The following RAI1 variants were observed in gnomAD, a reference collection of about 807,000 sequenced individuals.
RAI1 encodes the protein retinoic acid-induced protein 1.
A neutral mutation model predicts 123.8 loss-of-function variants in RAI1; 9 were observed. That is an observed-to-expected ratio of 0.07 (90% CI 0.04 to 0.13). The LOEUF is 0.13. Ranked by LOEUF, RAI1 falls within the 10% of genes least tolerant of loss-of-function variation. The probability of loss-of-function intolerance (pLI) is 1.00; values close to 1 mark genes in which losing one functional copy is unlikely to be tolerated. For missense variants in RAI1, 2,256 were observed against 2,545.8 expected, an observed-to-expected ratio of 0.89 and a Z score of 2.45; for synonymous variants, 1,231 against 1,127.3, an observed-to-expected ratio of 1.09 and a Z score of -1.84.
At chr17:17,770,639 G>A (rs1309787817) in intron 2 of RAI1, among the ~76,000 whole-genome samples, 1 of 151,986 alleles carries the variant, frequency 6.6e-6, no homozygotes, top group African/African-American at 2.4e-5. Flanking sequence ...GGGGGTGGGT[G>A]GGGGTGGGTA....
At chr17:17,763,481 G>T (rs1198057381) in intron 2 of RAI1, among the ~76,000 whole-genome samples, 3 of 152,202 alleles carry the variant, frequency 2.0e-5, no homozygotes, top group Non-Finnish European at 4.4e-5. Context: ...GAGCTGTGCT[G>T]GGGCAGAGGG....
At chr17:17,739,724 C>T (rs1158604382) in intron 2 of RAI1, among the ~76,000 whole-genome samples, 1 of 152,212 alleles carries the variant, frequency 6.6e-6, no homozygotes, top group Non-Finnish European at 1.5e-5. Context: ...GGTCTTATGC[C>T]ACCACTCCAC....
At position 17,810,950 on chromosome 17, in the gene RAI1, G is replaced by T; in HGVS notation, c.*969G>T. ...TAGAATGTATATATGTTGGGAACAT[G>T]CTCGCTTCTCCCGTGTGTCGCCGCC... On this transcript the variant is annotated 3_prime_UTR_variant, in exon 6 of 6. Coordinates refer to ENST00000353383, the MANE Select transcript of RAI1 (RefSeq NM_030665.4). The surrounding 1 kb of genome is among the most constrained non-coding windows in gnomAD (Gnocchi z 4.6). The T allele has an allele frequency of 3.0e-6, 1 of 329,570 alleles. No individual in the cohort carries two copies. Among genetic ancestry groups the T allele is most frequent in the South Asian group, 2.1e-5 (1 of 47,674 alleles). 20.4% of individuals were successfully genotyped at this position (329,570 alleles called of 1,614,324 possible).
chr17:17,796,148 G>C lies in RAI1; in HGVS notation c.3200G>C (p.Arg1067Pro). 1 of 1,567,616 alleles carries C rather than the reference G, an allele frequency of 6.4e-7. No individual in the cohort carries two copies. The highest frequency in any genetic ancestry group is 8.7e-7 in the Non-Finnish European group (1 of 1,154,956). ...TRSLTALSEP[R>P]TPGPPGLTTT... is the part of the protein sequence containing the mutation. ...TCTCTCACGGCCCTGAGTGAGCCCCGCACGCCCGGACCCCCAGGCCTGACC... is the reference window on the plus strand; with the variant it reads ...TCTCTCACGGCCCTGAGTGAGCCCCCCACGCCCGGACCCCCAGGCCTGACC... Residue 1067 changes from arginine to proline, a missense_variant, in exon 3 of 6, where the codon CGC becomes CCC. Physicochemically the swap from Arg to Pro is moderately radical, Grantham distance 103 (BLOSUM62 -2). Transcript: ENST00000353383. The surrounding 1 kb of genome is among the most constrained non-coding windows in gnomAD (Gnocchi z 5.8).
intron 2 of RAI1, among the ~76,000 whole-genome samples, chr17:17,755,266 A>G (rs576425671): frequency 2.6e-5 from 4 of 152,336 alleles, no homozygotes; most frequent in Admixed American, 6.5e-5. Context: ...ATACAGCTCT[A>G]TGGAATGCTG....
chr17:17,732,366 C>A (rs1488405945), intron 2 of RAI1, among the ~76,000 whole-genome samples: 3 of 152,152 alleles, frequency 2.0e-5, no homozygotes, highest in African/African-American at 7.2e-5. Flanking sequence ...AGGGAAGACC[C>A]CTCAGGACAT....
At chr17:17,706,606 GAAAGTT>G (rs1567836329) in intron 1 of RAI1, among the ~76,000 whole-genome samples, 1 of 152,206 alleles carries the variant, frequency 6.6e-6, no homozygotes, top group Non-Finnish European at 1.5e-5. Context: ...CAGTGACGGG[GAAAGTT>G]TGAGGGATCA....
At chr17:17,761,707 CATT>C (rs1190492241) in intron 2 of RAI1, among the ~76,000 whole-genome samples, 5 of 152,146 alleles carry the variant, frequency 3.3e-5, no homozygotes, top group Non-Finnish European at 5.9e-5. Flanking sequence ...CCTTGTAAGT[CATT>C]GTTGCTGGGC....
chr17:17,778,317 C>G (rs1411847662), intron 2 of RAI1: 1 of 218,472 alleles, frequency 4.6e-6, no homozygotes, highest in Non-Finnish European at 9.3e-6. Flanking sequence ...ATAGAAAGTA[C>G]AAGACTTGGA....
chr17:17,783,182 AGCGACCGGGGACCGG>A (rs1291100865), intron 2 of RAI1, among the ~76,000 whole-genome samples: 5 of 152,044 alleles, frequency 3.3e-5, no homozygotes, highest in Non-Finnish European at 5.9e-5. Context: ...TGGCGCCTGC[AGCGACCGGGGACCGG>A]GGGACCGGGG....
chr17:17,688,163 G>C (rs1914704884), intron 1 of RAI1, among the ~76,000 whole-genome samples: 1 of 151,698 alleles, frequency 6.6e-6, no homozygotes, highest in African/African-American at 2.4e-5. Flanking sequence ...GCTGCTCACT[G>C]TGGGGCTCCA....
intron 1 of RAI1, among the ~76,000 whole-genome samples, chr17:17,704,003 T>C (rs8071107): frequency 0.67 from 102,001 of 152,092 alleles, 35,305 homozygotes; most frequent in African/African-American, 0.81. Flanking sequence ...AGTGAGCCAC[T>C]GTGCACCAGG....
At chr17:17,694,709 C>G (rs1283994251) in intron 1 of RAI1, among the ~76,000 whole-genome samples, 2 of 151,032 alleles carry the variant, frequency 1.3e-5, no homozygotes, top group Non-Finnish European at 3.0e-5. Flanking sequence ...CCCGCGACGC[C>G]GACGCCGGGA....
chr17:17,688,267 T>C (rs1914708565), intron 1 of RAI1, among the ~76,000 whole-genome samples: 1 of 151,926 alleles, frequency 6.6e-6, no homozygotes, highest in Non-Finnish European at 1.5e-5. Context: ...GGTGGATCAC[T>C]TGAGGTCAGG....
intron 1 of RAI1, among the ~76,000 whole-genome samples, chr17:17,699,937 G>A (rs2142884524): frequency 6.6e-6 from 1 of 152,330 alleles, no homozygotes; most frequent in South Asian, 2.1e-4. Context: ...TGGCTTGTGG[G>A]ACCTTGGGTG....
chr17:17,689,377 TTGAG>T (rs745487749), intron 1 of RAI1, among the ~76,000 whole-genome samples: 4 of 152,154 alleles, frequency 2.6e-5, no homozygotes, highest in Admixed American at 6.5e-5. Context: ...GGCAGATGGA[TTGAG>T]TGGGTCTTTT....
intron 1 of RAI1, among the ~76,000 whole-genome samples, chr17:17,699,638 G>A (rs1042358871): frequency 4.9e-5 from 7 of 141,802 alleles, no homozygotes; most frequent in Non-Finnish European, 1.1e-4. Flanking sequence ...CCGGGGGGGG[G>A]GGAATCAAAT....
intron 2 of RAI1, among the ~76,000 whole-genome samples, chr17:17,727,642 G>A (rs562577134): frequency 7.2e-5 from 11 of 152,336 alleles, no homozygotes; most frequent in Middle Eastern, 3.4e-3. Flanking sequence ...CAAAGCAGAT[G>A]CAGTGAGGGG....
intron 1 of RAI1, among the ~76,000 whole-genome samples, chr17:17,687,841 C>T (rs917132471): frequency 6.6e-6 from 1 of 151,538 alleles, no homozygotes; most frequent in Admixed American, 6.6e-5. Context: ...ACTAGCCTGA[C>T]CAACATGGCA....
Sources: allele counts gnomAD v4.1 joint callset (sites outside exome capture counted in the v4.1 genomes callset), GRCh38; gene constraint gnomAD v4.1.1; non-coding constraint Gnocchi (gnomAD v3.1); transcripts MANE v1.5; gene names NCBI Gene and HGNC (gene_info 2026-07-23, HGNC 2026-07-21).